The following GOLGA3 variants were observed in gnomAD, a reference collection of about 807,000 sequenced individuals.
The protein encoded by GOLGA3 is golgin A3, also known as golgin subfamily A member 3.
Under a neutral mutation model 169.4 loss-of-function variants are expected in GOLGA3, and 75 were observed. That is an observed-to-expected ratio of 0.44 (90% CI 0.37 to 0.54). The LOEUF is 0.54. GOLGA3 is among the 20% of genes least tolerant of loss of function. The probability of loss-of-function intolerance (pLI) is 0.00; values close to 1 mark genes in which losing one functional copy is unlikely to be tolerated. For missense variants in GOLGA3, 1,899 were observed against 1,930.0 expected (o/e 0.98, Z 0.30); for synonymous variants, 824 against 822.4 (o/e 1.00, Z -0.03).
At position 132,772,875 on chromosome 12, in the gene GOLGA3, G is replaced by A. The variant is rs984010415; in HGVS notation, c.*230C>T. 16 of 462,138 alleles carry A rather than the reference G, an allele frequency of 3.5e-5. No individual in the cohort carries two copies. In the Admixed American group the frequency reaches 5.1e-4, roughly 15 times the overall value. 28.6% of individuals were successfully genotyped at this position (462,138 alleles called of 1,614,324 possible). A position where few individuals can be genotyped will look rare whatever the true frequency, so the allele number is the denominator to read the frequency against. On this transcript the variant is annotated 3_prime_UTR_variant, in exon 24 of 24. Coordinates refer to ENST00000450791, the MANE Select transcript of GOLGA3 (RefSeq NM_001389683.1). Reference sequence around the variant, plus strand: ...TCAGACACGTTCAAAGCTCCTCGCCGAGAGCCTATCAGGCTTTTAAGAGTT... The same window carrying A: ...TCAGACACGTTCAAAGCTCCTCGCCAAGAGCCTATCAGGCTTTTAAGAGTT...
intron 12 of GOLGA3, among the ~76,000 whole-genome samples, chr12:132,790,058 G>A (rs184442373): frequency 3.5e-4 from 54 of 152,220 alleles, no homozygotes; most frequent in Admixed American, 2.8e-3. Context: ...CAGGCCGGGC[G>A]TGGTGGCTCA....
At position 132,773,313 on chromosome 12, in the gene GOLGA3, G is replaced by T. The variant is rs894361801; in HGVS notation, c.4308-19C>A. 1 of 1,357,158 alleles carries T rather than the reference G, an allele frequency of 7.4e-7. No individual in the cohort carries two copies. Among genetic ancestry groups the T allele is most frequent in the Non-Finnish European group, 9.7e-7 (1 of 1,030,734 alleles). 84.1% of individuals were successfully genotyped at this position (1,357,158 alleles called of 1,614,324 possible). ...CTCCTGCCTGGGACAGAAGAAGGAG[G>T]AAGAAGGCCCAGATCACACAAGTGC... On this transcript the variant is annotated intron_variant, in intron 23 of 23. Coordinates refer to ENST00000450791, the MANE Select transcript of GOLGA3 (RefSeq NM_001389683.1).
chr12:132,802,892 A>G (rs145139668), intron 7 of GOLGA3, among the ~76,000 whole-genome samples: 13 of 152,030 alleles, frequency 8.6e-5, no homozygotes, highest in Non-Finnish European at 1.5e-4. Context: ...CCTGTCTCTA[A>G]TAAAAATACA....
At position 132,789,266 on chromosome 12, in the gene GOLGA3, C is replaced by T. The variant is rs536461115; in HGVS notation, c.2572G>A (p.Asp858Asn). 21 of 1,600,940 alleles carry T rather than the reference C, an allele frequency of 1.3e-5. No individual in the cohort carries two copies. Among genetic ancestry groups the T allele is most frequent in the East Asian group, 6.7e-5 (3 of 44,814 alleles). ...ATGAGCTGGTCTTTGGAGGTGGCGT[C>T]GCGCCGGTAGGCCTCCACCATCACC... The part of the protein sequence containing the change: ...QKVMVEAYRR[D>N]ATSKDQLISE... The change falls in exon 13 of 24, where the codon GAC becomes AAC. Residue 858 changes from aspartate (D) to asparagine (N), a missense_variant. Asp to Asn is a conservative substitution (Grantham distance 23). Transcript: ENST00000450791.
intron 12 of GOLGA3, among the ~76,000 whole-genome samples, chr12:132,790,327 T>C (rs536530697): frequency 1.3e-5 from 2 of 151,918 alleles, no homozygotes; most frequent in East Asian, 1.9e-4. Context: ...GAGCGAGACT[T>C]CATCTCAAAA....
chr12:132,774,262 G>C lies in GOLGA3; in HGVS notation c.4202C>G (p.Pro1401Arg), dbSNP rs773761311. 1.2e-6 allele frequency: 2 copies of C among 1,612,686 alleles called. No homozygotes were observed. The highest frequency in any genetic ancestry group is 1.3e-5 in the African/African-American group (1 of 74,942). Residue 1401 changes from proline to arginine, a missense_variant, in exon 23 of 24, where the codon CCG (proline) becomes CGG (arginine). By Grantham distance (103) the Pro-to-Arg change is moderately radical (BLOSUM62 -2). Transcript: ENST00000450791. Reference protein sequence around the residue: ...SSNPATPIKIPDCPVPASLLE... With the variant: ...SSNPATPIKIRDCPVPASLLE... ...CAGCGAGGCGGGAACTGGGCAGTCC[G>C]GGATCTTGATGGGCGTGGCAGGGTT...
At position 132,777,196 on chromosome 12, in the gene GOLGA3, C is replaced by T. The variant is rs543594355; in HGVS notation, c.3723-106G>A. 2.6e-5 allele frequency: 33 copies of T among 1,245,564 alleles called. No individual in the cohort carries two copies. The African/African-American group carries it at 4.5e-4, about 17-fold the overall frequency. The allele number at this position is 1,245,564 out of a possible 1,614,324, so 77.2% of individuals were successfully genotyped here. A position where few individuals can be genotyped will look rare whatever the true frequency, so the allele number is the denominator to read the frequency against. On this transcript the variant is annotated intron_variant, in intron 19 of 23. Coordinates refer to ENST00000450791, the MANE Select transcript of GOLGA3 (RefSeq NM_001389683.1). The surrounding 1 kb of genome is among the most constrained non-coding windows in gnomAD (Gnocchi z 4.7). ...TGGAAGGCGTTCGTCCTGGCAGGCC[C>T]TCTGCTGTGCACTGCGTGCTGCAGC...
rs781462767 is a variant in GOLGA3 at position 132,777,776 on chromosome 12, A to G, written c.3612T>C (p.His1204=). The stretch of plus-strand genomic sequence containing the variant: ...AGGCCGCCTTGAAGTGGCGGCGGTT[A>G]TGCCCGGCTTCCACCTTGGCAGCAG... ...QVAAAKVEAG[H]NRRHFKAASL... is the part of the protein sequence containing the mutation. Residue 1204 remains histidine (H), a synonymous_variant, in exon 19 of 24, where the codon CAT becomes CAC. Transcript: ENST00000450791. The surrounding 1 kb of genome is among the most constrained non-coding windows in gnomAD (Gnocchi z 4.7). 2.5e-6 allele frequency: 4 copies of G among 1,613,552 alleles called. No homozygotes were observed. Among genetic ancestry groups the G allele is most frequent in the Non-Finnish European group, 3.4e-6 (4 of 1,179,918 alleles).
chr12:132,787,965 C>T (rs956529020), intron 13 of GOLGA3, among the ~76,000 whole-genome samples: 11 of 152,132 alleles, frequency 7.2e-5, no homozygotes, highest in Non-Finnish European at 1.5e-4. Context: ...CACTGAGGGC[C>T]GCGTCCCCGA....
Position 132,782,326 on chromosome 12 carries a change from C to A in GOLGA3, c.3435G>T (p.Arg1145Ser). ...GGTTCAACTGGACTAGGTCTGCCTC[C>A]CTCTTGGCCAAAGCTGTTTCTAGGA... ...NSILETALAK[R>S]EADLVQLNLQ... Residue 1145 changes from arginine to serine, a missense_variant, in exon 17 of 24, where the codon AGG becomes AGT. Coordinates refer to ENST00000450791, the MANE Select transcript of GOLGA3 (RefSeq NM_001389683.1). The A allele has an allele frequency of 6.2e-7, 1 of 1,614,204 alleles. No individual in the cohort carries two copies. The highest frequency in any genetic ancestry group is 2.2e-5 in the East Asian group (1 of 44,886).
At chr12:132,795,485 G>A (rs926756044) in intron 11 of GOLGA3, among the ~76,000 whole-genome samples, 8 of 152,170 alleles carry the variant, frequency 5.3e-5, no homozygotes, top group African/African-American at 1.7e-4. Context: ...AAATTAGCCA[G>A]GCATGGTGGT....
At chr12:132,821,575 G>A (rs1193934526) in intron 2 of GOLGA3, among the ~76,000 whole-genome samples, 1 of 152,124 alleles carries the variant, frequency 6.6e-6, no homozygotes, top group East Asian at 1.9e-4. Flanking sequence ...TTTGGGCCGG[G>A]CACAGTGGCT....
chr12:132,773,600 C>T (rs764137449), intron 23 of GOLGA3, among the ~76,000 whole-genome samples: 2 of 152,366 alleles, frequency 1.3e-5, no homozygotes, highest in African/African-American at 2.4e-5. Context: ...CTACACACTT[C>T]GCTCAGCCTC....
intron 9 of GOLGA3, 146 bp from the exon 10 acceptor site, chr12:132,796,846 G>A: frequency 1.1e-6 from 1 of 869,772 alleles, no homozygotes; most frequent in Non-Finnish European, 1.8e-6. Context: ...CAGACTGAGG[G>A]CCCAGGATGG....
chr12:132,782,192 TAG>T, intron 17 of GOLGA3, 102 bp downstream of exon 17: 2 of 1,091,006 alleles, frequency 1.8e-6, no homozygotes, highest in Non-Finnish European at 1.4e-6. Context: ...CCGGGTGGGC[TAG>T]GAGTCAGCAC....
chr12:132,797,149 TCTA>T (rs1948887428), intron 9 of GOLGA3, among the ~76,000 whole-genome samples: 1 of 152,224 alleles, frequency 6.6e-6, no homozygotes, highest in Non-Finnish European at 1.5e-5. Context: ...TCAGTTCTTC[TCTA>T]CTAAGCCCTT....
intron 2 of GOLGA3, among the ~76,000 whole-genome samples, chr12:132,817,061 C>G (rs1483320011): frequency 6.6e-6 from 1 of 151,886 alleles, no homozygotes; most frequent in Non-Finnish European, 1.5e-5. Context: ...CCCTCCACAC[C>G]TCCACACTCT....
At chr12:132,823,522 AT>A (rs1426261533) in intron 1 of GOLGA3, among the ~76,000 whole-genome samples, 2 of 152,256 alleles carry the variant, frequency 1.3e-5, no homozygotes, top group Admixed American at 1.3e-4. Context: ...GCGGTGGCTC[AT>A]GCTTGTAATC....
intron 4 of GOLGA3, among the ~76,000 whole-genome samples, chr12:132,809,429 C>A (rs1273632822): frequency 6.8e-6 from 1 of 146,800 alleles, no homozygotes; most frequent in African/African-American, 2.5e-5. Context: ...CACCAACCCC[C>A]ACCCCCGCCC....
Sources: allele counts gnomAD v4.1 joint callset (sites outside exome capture counted in the v4.1 genomes callset), GRCh38; gene constraint gnomAD v4.1.1; non-coding constraint Gnocchi (gnomAD v3.1); transcripts MANE v1.5; gene names NCBI Gene and HGNC (gene_info 2026-07-23, HGNC 2026-07-21).